LMX1A: variants seen among roughly 807,000 people sequenced by gnomAD.
The protein encoded by LMX1A is LIM homeobox transcription factor 1 alpha.
A neutral mutation model predicts 49.1 loss-of-function variants in LMX1A; 15 were observed. The ratio of observed to expected loss-of-function variants is 0.31; its 90% confidence interval spans 0.20 to 0.47. The LOEUF is 0.47. Ranked by LOEUF, LMX1A falls within the 20% of genes least tolerant of loss-of-function variation. LMX1A has a pLI of 1.00. For synonymous variants in LMX1A, 167 were observed against 185.7 expected (o/e 0.90, Z 0.82); for missense variants, 372 against 475.8 (o/e 0.78, Z 2.03).
intron 3 of LMX1A, among the ~76,000 whole-genome samples, chr1:165,344,002 C>T (rs1165352291): frequency 2.0e-5 from 3 of 152,192 alleles, no homozygotes; most frequent in Non-Finnish European, 4.4e-5. Context: ...CAACTCTAGC[C>T]TGCACTCAAA....
At chr1:165,302,271 C>A (rs894877174) in intron 3 of LMX1A, among the ~76,000 whole-genome samples, 17 of 151,888 alleles carry the variant, frequency 1.1e-4, no homozygotes, top group African/African-American at 4.1e-4. Context: ...TGGAGAAACC[C>A]CATCTCTACT....
chr1:165,241,882 A>C (rs1328313570), intron 4 of LMX1A, among the ~76,000 whole-genome samples: 2 of 152,208 alleles, frequency 1.3e-5, no homozygotes, highest in African/African-American at 4.8e-5. Context: ...CATGGCCCAG[A>C]AGAGGAGAAA....
At chr1:165,282,096 G>C (rs1654168468) in intron 3 of LMX1A, among the ~76,000 whole-genome samples, 1 of 152,102 alleles carries the variant, frequency 6.6e-6, no homozygotes, top group Admixed American at 6.5e-5. Flanking sequence ...ACTGACCCCT[G>C]GGCCCCAGAT....
At chr1:165,313,866 C>A (rs1027382479) in intron 3 of LMX1A, among the ~76,000 whole-genome samples, 3 of 152,150 alleles carry the variant, frequency 2.0e-5, no homozygotes, top group African/African-American at 7.2e-5. Flanking sequence ...AAAAACTCAA[C>A]ATTTTCTCAC....
intron 3 of LMX1A, among the ~76,000 whole-genome samples, chr1:165,266,664 C>T (rs112846496): frequency 1.1e-3 from 143 of 135,594 alleles, no homozygotes; most frequent in African/African-American, 3.4e-3. Flanking sequence ...TGCAGTGGCG[C>T]GATCTTGGCT....
At chr1:165,275,061 T>A (rs1017087458) in intron 3 of LMX1A, among the ~76,000 whole-genome samples, 1 of 152,188 alleles carries the variant, frequency 6.6e-6, no homozygotes, top group Admixed American at 6.5e-5. Flanking sequence ...TTAATTTAAA[T>A]ATAGGATTCA....
intron 3 of LMX1A, among the ~76,000 whole-genome samples, chr1:165,347,248 C>T (rs1422459321): frequency 6.6e-6 from 1 of 152,230 alleles, no homozygotes; most frequent in Non-Finnish European, 1.5e-5. Context: ...AGAACCTTTT[C>T]TACACTTTGC....
At chr1:165,302,906 G>T (rs1052806619) in intron 3 of LMX1A, among the ~76,000 whole-genome samples, 1 of 152,114 alleles carries the variant, frequency 6.6e-6, no homozygotes, top group African/African-American at 2.4e-5. Flanking sequence ...TCAGAACTAG[G>T]TTTCATGTGC....
At chr1:165,311,859 G>A (rs954272905) in intron 3 of LMX1A, among the ~76,000 whole-genome samples, 17 of 152,138 alleles carry the variant, frequency 1.1e-4, no homozygotes, top group Admixed American at 1.1e-3. Flanking sequence ...GATGTGTGAT[G>A]TGCCGTTCAC....
At chr1:165,328,627 T>G (rs1054911236) in intron 3 of LMX1A, among the ~76,000 whole-genome samples, 61 of 152,170 alleles carry the variant, frequency 4.0e-4, no homozygotes, top group African/African-American at 1.4e-3. Context: ...AACAGAGAGA[T>G]TCAGCCCCAT....
At chr1:165,214,289 C>A (rs1651557529) in intron 4 of LMX1A, among the ~76,000 whole-genome samples, 2 of 152,192 alleles carry the variant, frequency 1.3e-5, no homozygotes, top group South Asian at 2.1e-4. Flanking sequence ...CCATGTAAGA[C>A]CTGCTTTCTT....
intron 3 of LMX1A, among the ~76,000 whole-genome samples, chr1:165,319,206 T>G (rs1655311187): frequency 6.6e-6 from 1 of 152,168 alleles, no homozygotes; most frequent in Admixed American, 6.5e-5. Context: ...ATTTAAATAC[T>G]TAAGAAGTTC....
At chr1:165,329,268 T>G (rs576873462) in intron 3 of LMX1A, among the ~76,000 whole-genome samples, 1 of 152,294 alleles carries the variant, frequency 6.6e-6, no homozygotes, top group South Asian at 2.1e-4. Context: ...ACTCCCATGA[T>G]CCGGTCACCT....
intron 4 of LMX1A, among the ~76,000 whole-genome samples, chr1:165,226,586 C>A (rs557104238): frequency 1.3e-5 from 2 of 152,172 alleles, no homozygotes; most frequent in African/African-American, 4.8e-5. Flanking sequence ...ATTGTGGGTG[C>A]AGCTGAGCTT....
chr1:165,214,523 C>T (rs1367673594), intron 4 of LMX1A, among the ~76,000 whole-genome samples: 2 of 152,202 alleles, frequency 1.3e-5, no homozygotes, highest in African/African-American at 4.8e-5. Context: ...ATTGGGGTTG[C>T]TGTGAGGATT....
intron 3 of LMX1A, among the ~76,000 whole-genome samples, chr1:165,271,307 C>T (rs1653785627): frequency 6.6e-6 from 1 of 152,204 alleles, no homozygotes; most frequent in South Asian, 2.1e-4. Flanking sequence ...TATTAGGTAG[C>T]AAGCTGGACA....
intron 3 of LMX1A, among the ~76,000 whole-genome samples, chr1:165,251,998 T>C (rs1039035725): frequency 6.6e-6 from 1 of 152,244 alleles, no homozygotes; most frequent in Non-Finnish European, 1.5e-5. Context: ...TCCTTTTTTC[T>C]GTCTGTTGTT....
In LMX1A at chr1:165,353,066, G is replaced by A. The variant is rs772356240; in HGVS notation, c.263+10C>T. 3 of 1,613,572 alleles carry A rather than the reference G, an allele frequency of 1.9e-6. No individual in the cohort carries two copies. The highest frequency in any genetic ancestry group is 1.7e-6 in the Non-Finnish European group (2 of 1,179,706). ...TGCGCGGGGAGCGCTGCGGGGGTGC[G>A]GCCACTTACTTCTCGTAGTCATACT... On this transcript the variant is annotated intron_variant, in intron 3 of 8. Coordinates refer to ENST00000342310, the MANE Select transcript of LMX1A (RefSeq NM_177398.4).
chr1:165,266,618 T>TTC (rs1166028144), intron 3 of LMX1A, among the ~76,000 whole-genome samples: 1 of 146,494 alleles, frequency 6.8e-6, no homozygotes, highest in Non-Finnish European at 1.5e-5. Flanking sequence ...TTTTTTTTTT[T>TTC]TGAGACAGGG....
Sources: gnomAD v4.1 joint callset for allele counts (sites outside exome capture counted in the v4.1 genomes callset) on GRCh38, gnomAD v4.1.1 for gene constraint, MANE v1.5 for transcripts, NCBI Gene and HGNC (gene_info 2026-07-23, HGNC 2026-07-21) for gene names.